NCOR2: variants seen among roughly 807,000 people sequenced by gnomAD.
The protein encoded by NCOR2 is nuclear receptor corepressor 2, also known as CTG repeat protein 26.
A neutral mutation model predicts 262.9 loss-of-function variants in NCOR2; 81 were observed. The ratio of observed to expected loss-of-function variants is 0.31; its 90% CI spans 0.26 to 0.37. The LOEUF is 0.37. Among genes scored for constraint, NCOR2 ranks in the 10% least tolerant of loss-of-function variants. NCOR2 has a pLI of 1.00. For synonymous variants in NCOR2, 1,659 were observed against 1,559.3 expected (o/e 1.06, Z -1.51); for missense variants, 3,385 against 3,621.4 (o/e 0.93, Z 1.68).
intron 10 of NCOR2, among the ~76,000 whole-genome samples, chr12:124,428,243 C>T (rs1329138348): frequency 6.6e-6 from 1 of 152,240 alleles, no homozygotes; most frequent in African/African-American, 2.4e-5. Flanking sequence ...GAGACAGGGG[C>T]TGACACGGCC....
chr12:124,383,994 A>G (rs1214332943), intron 17 of NCOR2, among the ~76,000 whole-genome samples: 4 of 149,390 alleles, frequency 2.7e-5, no homozygotes, highest in Non-Finnish European at 5.9e-5. Context: ...GGAGACGTCC[A>G]TGGTCGTGGG....
At chr12:124,331,747 C>G (rs2035221053) in intron 43 of NCOR2, 1 of 158,460 alleles carries the variant, frequency 6.3e-6, no homozygotes, top group African/African-American at 2.4e-5. Flanking sequence ...GCCCGGCAAG[C>G]CAGTGACTAT....
chr12:124,441,388 C>T (rs1239265190), intron 7 of NCOR2, among the ~76,000 whole-genome samples: 1 of 152,194 alleles, frequency 6.6e-6, no homozygotes, highest in African/African-American at 2.4e-5. Flanking sequence ...AGGAATAAAA[C>T]AAATCCCCAC....
At position 124,503,671 on chromosome 12, in the gene NCOR2, A is replaced by AATGGATGGATGGATGG. The variant is rs140410776; in HGVS notation, c.-117-8319_-117-8304dup. On this transcript the variant is annotated intron_variant, in intron 1 of 46. Transcript: ENST00000404621. The surrounding 1 kb of genome is among the most constrained non-coding windows in gnomAD (Gnocchi z 4.3). ...GGATGGATGGATGGATGGACGGGTG[A>AATGGATGGATGGATGG]ATGGATGGATGGATGGATGGATGGA... is the stretch of plus-strand genomic sequence containing the variant. 5.0e-3 allele frequency among the ~76,000 whole-genome samples: 609 copies of AATGGATGGATGGATGG among 122,204 alleles called. 10 individuals carry two copies. Among genetic ancestry groups the AATGGATGGATGGATGG allele is most frequent in the African/African-American group, 0.017 (570 of 33,504 alleles). The allele number at this position is 122,204 out of a possible 152,430, so 80.2% of individuals were successfully genotyped here. A position where few individuals can be genotyped will look rare whatever the true frequency, so the allele number is the denominator to read the frequency against.
chr12:124,446,577 G>A (rs1470098624), intron 7 of NCOR2, among the ~76,000 whole-genome samples: 2 of 152,084 alleles, frequency 1.3e-5, no homozygotes, highest in Non-Finnish European at 2.9e-5. Context: ...GGTCCACACA[G>A]CCAGCTGCTG....
chr12:124,372,473 G>A (rs762476709), exon 20 of NCOR2: 3 of 1,566,262 alleles, frequency 1.9e-6, no homozygotes, highest in Admixed American at 3.7e-5. Context: ...TCCTCCGGTG[G>A]TGGGGTGGGT....
chr12:124,519,078 T>C (rs1191532010), intron 1 of NCOR2, among the ~76,000 whole-genome samples: 3 of 30,500 alleles, frequency 9.8e-5, no homozygotes, highest in African/African-American at 1.7e-4. Flanking sequence ...AAAGAAGACG[T>C]GGCCAAATAA....
chr12:124,492,254 T>C (rs2048126343), intron 1 of NCOR2, among the ~76,000 whole-genome samples: 1 of 152,166 alleles, frequency 6.6e-6, no homozygotes. Flanking sequence ...GCTTGCTGCG[T>C]GCAGACATTG....
rs3825116 is a variant in NCOR2, at chr12:124,416,693, T to A, written c.1482+3264A>T. On this transcript the variant is annotated intron_variant, in intron 13 of 46. Transcript: ENST00000405201. ...ACAGGGAGACCCGCGACACAGGGAG[T>A]CCCCGCGGCACAGATAGAACCCGCG... Among the ~76,000 whole-genome samples the A allele has an allele frequency of 4.2e-3, 364 of 87,340 alleles. 13 individuals are homozygous for A. The East Asian group carries it at 0.061, about 15-fold the overall frequency. The allele number at this position is 87,340 out of a possible 152,430, so 57.3% of individuals were successfully genotyped here.
chr12:124,495,451 T>C (rs1199921573), upstream of NCOR2: 9 of 1,129,950 alleles, frequency 8.0e-6, no homozygotes, highest in South Asian at 1.2e-4. This position sits in a 1 kb window ranked among gnomAD's most constrained non-coding sequence, Gnocchi z 4.4. Context: ...GTCGTTCCTG[T>C]GGTCCCGTGA....
At chr12:124,407,192 A>G (rs2042322316) in intron 13 of NCOR2, among the ~76,000 whole-genome samples, 1 of 152,238 alleles carries the variant, frequency 6.6e-6, no homozygotes, top group Non-Finnish European at 1.5e-5. Flanking sequence ...CAAGGGGCAC[A>G]CCAGCCACAG....
chr12:124,397,577 C>A (rs2041764552), intron 16 of NCOR2, among the ~76,000 whole-genome samples: 1 of 152,222 alleles, frequency 6.6e-6, no homozygotes, highest in African/African-American at 2.4e-5. Context: ...GCCTGGGTGT[C>A]CCCATCCACT....
At chr12:124,350,724 T>A (rs749174849) in exon 28 of NCOR2, 5 of 1,611,646 alleles carry the variant, frequency 3.1e-6, no homozygotes, top group Non-Finnish European at 3.4e-6. Context: ...GTACAGGACG[T>A]CAGCTGGCGT....
At position 124,354,391 on chromosome 12, in the gene NCOR2, C is replaced by T. The variant is rs1016267329; in HGVS notation, c.3589+87G>A. The T allele has an allele frequency of 2.1e-5, 27 of 1,290,964 alleles. No individual in the cohort carries two copies. In the East Asian group the frequency reaches 5.8e-4, roughly 28 times the overall value. 80.0% of individuals were successfully genotyped at this position (1,290,964 alleles called of 1,614,324 possible). On this transcript the variant is annotated intron_variant, in intron 26 of 46. Coordinates refer to ENST00000405201, the Ensembl canonical transcript of NCOR2. ...CCCCCAGACCCTCTGGGAGATGACACTTCCCAGCAGGTTTTGAATAAAGGG... is the reference window on the plus strand; with the variant it reads ...CCCCCAGACCCTCTGGGAGATGACATTTCCCAGCAGGTTTTGAATAAAGGG...
At position 124,481,762 on chromosome 12, in the gene NCOR2, T is replaced by G. The variant is rs931383707; in HGVS notation, c.411+1834A>C. On this transcript the variant is annotated intron_variant, in intron 3 of 46. Transcript: ENST00000405201. This position sits in a 1 kb window ranked among gnomAD's most constrained non-coding sequence, Gnocchi z 4.6. ...TTTTTCCTGCTTGAGACAGGAGCCA[T>G]GGATGGTTTGGAGCACAGGGGGGAA... is the stretch of plus-strand genomic sequence containing the variant. Among the ~76,000 whole-genome samples the G allele has an allele frequency of 2.0e-5, 3 of 151,832 alleles. No individual in the cohort carries two copies. The highest frequency in any genetic ancestry group is 7.3e-5 in the African/African-American group (3 of 41,330).
At chr12:124,563,767 G>A (rs1454508650) in intron 1 of NCOR2, among the ~76,000 whole-genome samples, 1 of 152,252 alleles carries the variant, frequency 6.6e-6, no homozygotes, top group African/African-American at 2.4e-5. Context: ...CCCAAACCCT[G>A]GGGAGAACGA....
chr12:124,492,355 A>G (rs2048133700), intron 1 of NCOR2, among the ~76,000 whole-genome samples: 1 of 152,196 alleles, frequency 6.6e-6, no homozygotes, highest in South Asian at 2.1e-4. Flanking sequence ...AATGCCACTC[A>G]GCAAGCTGAA....
intron 4 of NCOR2, among the ~76,000 whole-genome samples, chr12:124,467,071 C>A (rs2046461298): frequency 7.6e-6 from 1 of 131,526 alleles, no homozygotes; most frequent in South Asian, 2.7e-4. Flanking sequence ...CTCATCACCC[C>A]CATCATCTTC....
intron 16 of NCOR2, among the ~76,000 whole-genome samples, chr12:124,397,008 G>C (rs12582104): frequency 0.053 from 8,070 of 152,290 alleles, 436 homozygotes; most frequent in African/African-American, 0.13. Flanking sequence ...GACGGGGAGT[G>C]GGGGCCTGGG....
Sources: gnomAD v4.1 joint callset for allele counts (sites outside exome capture counted in the v4.1 genomes callset) on GRCh38, gnomAD v4.1.1 for gene constraint, Gnocchi (gnomAD v3.1) non-coding constraint, MANE v1.5 for transcripts, NCBI Gene and HGNC (gene_info 2026-07-23, HGNC 2026-07-21) for gene names.